ATP8A2: variants seen among roughly 807,000 people sequenced by gnomAD.
ATP8A2 encodes the protein phospholipid-transporting ATPase IB.
In ATP8A2, 100 loss-of-function variants were observed where a neutral mutation model predicts 165.6. The ratio of observed to expected loss-of-function variants is 0.60; its 90% CI spans 0.51 to 0.71. The LOEUF (loss-of-function observed/expected upper bound fraction) is 0.71, where lower values mean the gene tolerates loss of function less well. Ranked by LOEUF, ATP8A2 falls within the 30% of genes least tolerant of loss-of-function variation. ATP8A2 has a pLI of 0.00. For synonymous variants in ATP8A2, 543 were observed against 548.8 expected (o/e 0.99, Z 0.15); for missense variants, 1,227 against 1,479.5 (o/e 0.83, Z 2.80).
chr13:25,650,062 C>T (rs572971147), intron 24 of ATP8A2, among the ~76,000 whole-genome samples: 6 of 152,250 alleles, frequency 3.9e-5, no homozygotes, highest in East Asian at 1.9e-4. Context: ...TATTTGCTTT[C>T]GGGTTCTCTT....
chr13:25,474,435 G>A (rs2035935711), intron 2 of ATP8A2, among the ~76,000 whole-genome samples: 2 of 151,898 alleles, frequency 1.3e-5, no homozygotes, highest in Non-Finnish European at 2.9e-5. Context: ...GGTGGTGGGC[G>A]CCTGTAGTCC....
At chr13:25,483,968 A>G (rs1040011217) in intron 2 of ATP8A2, among the ~76,000 whole-genome samples, 9 of 152,254 alleles carry the variant, frequency 5.9e-5, no homozygotes, top group African/African-American at 1.9e-4. Context: ...CAAGAGTTAC[A>G]CATTGCCAAG....
At chr13:25,731,377 G>GGAAGGA (rs2043638543) in intron 25 of ATP8A2, among the ~76,000 whole-genome samples, 3 of 147,914 alleles carry the variant, frequency 2.0e-5, no homozygotes, top group Non-Finnish European at 3.0e-5. Flanking sequence ...AAGGAAGGAA[G>GGAAGGA]AGGGAGGAAG....
chr13:25,980,163 T>C (rs1007165252), intron 35 of ATP8A2, among the ~76,000 whole-genome samples: 1 of 152,164 alleles, frequency 6.6e-6, no homozygotes, highest in African/African-American at 2.4e-5. Context: ...CAGCCTTCCT[T>C]CCCGCTGGGT....
rs567889324 is a variant in ATP8A2, at chr13:25,761,684, G to T, written c.2385-7362G>T. 1.1e-3 allele frequency among the ~76,000 whole-genome samples: 170 copies of T among 149,844 alleles called. 1 individual carries two copies. Among genetic ancestry groups the T allele is most frequent in the Non-Finnish European group, 1.9e-3 (131 of 67,646 alleles). ...TATATATACACACACATATGATAAG[G>T]TATATATATACCTTATATATTATTT... On this transcript the variant is annotated intron_variant, in intron 25 of 36. Transcript: ENST00000381655.
chr13:25,428,502 C>T (rs1353555960), intron 1 of ATP8A2, among the ~76,000 whole-genome samples: 1 of 152,060 alleles, frequency 6.6e-6, no homozygotes, highest in Admixed American at 6.6e-5. Context: ...CACTTAAACC[C>T]CTGGGTGTGA....
chr13:25,900,912 C>A (rs1953723148), intron 33 of ATP8A2, among the ~76,000 whole-genome samples: 1 of 152,224 alleles, frequency 6.6e-6, no homozygotes, highest in South Asian at 2.1e-4. Flanking sequence ...GCAGGTGACA[C>A]ATGGAAGCAG....
intron 35 of ATP8A2, among the ~76,000 whole-genome samples, chr13:26,007,118 C>T (rs1251864071): frequency 6.6e-6 from 1 of 151,820 alleles, no homozygotes; most frequent in Non-Finnish European, 1.5e-5. Context: ...ACCTTTTTTA[C>T]TTTGTTTTTG....
intron 34 of ATP8A2, among the ~76,000 whole-genome samples, chr13:25,968,288 C>T (rs1220902748): frequency 2.0e-5 from 3 of 152,166 alleles, no homozygotes; most frequent in African/African-American, 7.2e-5. Context: ...GTGAACCCCA[C>T]CCAGTCTTTG....
At chr13:25,723,741 C>A (rs890132197) in intron 25 of ATP8A2, among the ~76,000 whole-genome samples, 1 of 152,002 alleles carries the variant, frequency 6.6e-6, no homozygotes, top group Non-Finnish European at 1.5e-5. Context: ...GCCAGGATTT[C>A]TCACCCTCTG....
chr13:25,972,673 T>A (rs374726849), intron 35 of ATP8A2, among the ~76,000 whole-genome samples: 34 of 152,300 alleles, frequency 2.2e-4, no homozygotes, highest in African/African-American at 8.2e-4. Flanking sequence ...TTTGAGTGTC[T>A]AAACAATGAG....
At chr13:25,883,616 G>A in intron 33 of ATP8A2, among the ~76,000 whole-genome samples, 1 of 152,216 alleles carries the variant, frequency 6.6e-6, no homozygotes, top group East Asian at 1.9e-4. Context: ...GGTCCTGTGG[G>A]ATGACTAGAG....
intron 33 of ATP8A2, among the ~76,000 whole-genome samples, chr13:25,869,687 T>A (rs543587472): frequency 1.3e-5 from 2 of 152,304 alleles, no homozygotes; most frequent in Non-Finnish European, 2.9e-5. Flanking sequence ...TGAGAAAAGT[T>A]CTCTTGTCCC....
intron 21 of ATP8A2, among the ~76,000 whole-genome samples, chr13:25,579,212 T>G (rs2039701114): frequency 6.6e-6 from 1 of 152,224 alleles, no homozygotes; most frequent in Non-Finnish European, 1.5e-5. Context: ...CACTGGCTTA[T>G]CCATGACTTA....
At position 25,931,240 on chromosome 13, in the gene ATP8A2, A is replaced by G. The variant is rs78831442; in HGVS notation, c.3184-30335A>G. Reference sequence around the variant, plus strand: ...TTAACGTCCCTAAGGGAAAAAGAAAATCACCTTCAGGTTATGTCTGTGAGG... The same window carrying G: ...TTAACGTCCCTAAGGGAAAAAGAAAGTCACCTTCAGGTTATGTCTGTGAGG... On this transcript the variant is annotated intron_variant, in intron 33 of 36. Transcript: ENST00000381655. Among the ~76,000 whole-genome samples, 906 of 152,344 alleles carry G rather than the reference A, an allele frequency of 5.9e-3. 5 individuals are homozygous for G. Among genetic ancestry groups the G allele is most frequent in the Non-Finnish European group, 8.9e-3 (608 of 68,034 alleles).
At chr13:25,515,431 C>T (rs931210939) in intron 2 of ATP8A2, among the ~76,000 whole-genome samples, 17 of 152,252 alleles carry the variant, frequency 1.1e-4, no homozygotes, top group Admixed American at 3.3e-4. Context: ...AGCTAGAGCC[C>T]GTTCTTCCTG....
intron 34 of ATP8A2, among the ~76,000 whole-genome samples, chr13:25,963,909 T>C (rs1002716307): frequency 2.0e-5 from 3 of 152,216 alleles, no homozygotes; most frequent in African/African-American, 7.2e-5. Flanking sequence ...TTAACAAGGA[T>C]AAATCAAATG....
intron 13 of ATP8A2, among the ~76,000 whole-genome samples, chr13:25,558,252 C>T (rs905963685): frequency 6.6e-6 from 1 of 152,054 alleles, no homozygotes; most frequent in Non-Finnish European, 1.5e-5. Flanking sequence ...CAGAAAGAAT[C>T]CTGCTTACTT....
chr13:25,991,860 G>A lies in ATP8A2; in HGVS notation c.3378-20671G>A, dbSNP rs546492841. On this transcript the variant is annotated intron_variant, in intron 35 of 36. Coordinates refer to ENST00000381655, the MANE Select transcript of ATP8A2 (RefSeq NM_016529.6). ...TTAATTTTTCTGGGATAAATGTCCA[G>A]GAGTGCAATAGCTGGGTTTATAGTA... 1.2e-4 allele frequency among the ~76,000 whole-genome samples: 18 copies of A among 151,268 alleles called. 1 individual carries two copies. The East Asian group carries it at 3.5e-3, about 29-fold the overall frequency.
Sources: gnomAD v4.1 joint callset for allele counts (sites outside exome capture counted in the v4.1 genomes callset) on GRCh38, gnomAD v4.1.1 for gene constraint, MANE v1.5 for transcripts, NCBI Gene and HGNC (gene_info 2026-07-23, HGNC 2026-07-21) for gene names.